The following KIAA1958 variants were observed in gnomAD, a reference collection of about 807,000 sequenced individuals.
KIAA1958 encodes the protein uncharacterized protein KIAA1958.
Under a neutral mutation model 47.2 loss-of-function variants are expected in KIAA1958, and 14 were observed. That is an observed-to-expected ratio of 0.30 (90% CI 0.20 to 0.46). The LOEUF (loss-of-function observed/expected upper bound fraction) is 0.46. Among genes scored for constraint, KIAA1958 ranks in the 20% least tolerant of loss-of-function variants. The pLI is 1.00. For synonymous variants in KIAA1958, 354 were observed against 353.3 expected, an observed-to-expected ratio of 1.00 and a Z score of -0.02; for missense variants, 803 against 909.2, an observed-to-expected ratio of 0.88 and a Z score of 1.50.
intron 3 of KIAA1958, among the ~76,000 whole-genome samples, chr9:112,654,563 G>A (rs1047122209): frequency 1.3e-5 from 2 of 152,006 alleles, no homozygotes; most frequent in Admixed American, 6.6e-5. Context: ...CTTGGAGTCC[G>A]CTCGTTCTGA....
intron 2 of KIAA1958, among the ~76,000 whole-genome samples, chr9:112,596,770 G>A (rs1836040728): frequency 6.6e-6 from 1 of 152,048 alleles, no homozygotes; most frequent in Non-Finnish European, 1.5e-5. Context: ...CCATTTTTAT[G>A]TGTTATCTGT....
At position 112,667,373 on chromosome 9, in the gene KIAA1958, T is replaced by TC. The variant is rs1186440328; in HGVS notation, c.*7305dup. The TC allele has an allele frequency of 6.6e-6, 1 of 152,182 alleles. No homozygotes were observed. Among genetic ancestry groups the TC allele is most frequent in the Non-Finnish European group, 1.5e-5 (1 of 68,092 alleles). The allele number at this position is 152,182 out of a possible 1,614,324, so 9.4% of individuals were successfully genotyped here. ...AGGCAGATCATCTGAGGTCAGGAGT[T>TC]CAAGACCAGCCTGGCCAACATGGTG... On this transcript the variant is annotated 3_prime_UTR_variant, in exon 4 of 4. Coordinates refer to ENST00000337530, the MANE Select transcript of KIAA1958 (RefSeq NM_133465.4).
At chr9:112,607,531 G>C (rs1342309567) in intron 2 of KIAA1958, among the ~76,000 whole-genome samples, 4 of 152,044 alleles carry the variant, frequency 2.6e-5, no homozygotes, top group Non-Finnish European at 5.9e-5. Flanking sequence ...TAGCATAGGA[G>C]GCAGAGCTGA....
At chr9:112,550,530 C>T (rs1835122911) in intron 1 of KIAA1958, among the ~76,000 whole-genome samples, 1 of 152,140 alleles carries the variant, frequency 6.6e-6, no homozygotes, top group Non-Finnish European at 1.5e-5. Context: ...ACTCACAGAA[C>T]TCAGAAAGCT....
At chr9:112,534,116 C>G (rs1272426267) in intron 1 of KIAA1958, among the ~76,000 whole-genome samples, 1 of 152,182 alleles carries the variant, frequency 6.6e-6, no homozygotes, top group African/African-American at 2.4e-5. Context: ...ATTTCCTCAT[C>G]TGTAAAGTGG....
At chr9:112,635,699 C>G (rs565729442) in intron 2 of KIAA1958, among the ~76,000 whole-genome samples, 1 of 152,132 alleles carries the variant, frequency 6.6e-6, no homozygotes, top group East Asian at 1.9e-4. Flanking sequence ...TTTTTACTGT[C>G]TTTTTACTAT....
intron 2 of KIAA1958, among the ~76,000 whole-genome samples, chr9:112,623,706 G>A (rs1439429174): frequency 1.3e-5 from 2 of 152,170 alleles, no homozygotes; most frequent in Non-Finnish European, 2.9e-5. Context: ...ATGGAGGCAA[G>A]TGTGTATATG....
At chr9:112,649,253 G>T (rs191893441) in intron 3 of KIAA1958, among the ~76,000 whole-genome samples, 1 of 152,104 alleles carries the variant, frequency 6.6e-6, no homozygotes, top group East Asian at 1.9e-4. Context: ...AATCTCCTGG[G>T]CTCAAGTGGT....
At chr9:112,655,721 G>A (rs766128489) in intron 3 of KIAA1958, among the ~76,000 whole-genome samples, 3 of 152,220 alleles carry the variant, frequency 2.0e-5, no homozygotes, top group Non-Finnish European at 4.4e-5. Context: ...GCATGCGGGA[G>A]TGTTGCTGGG....
At chr9:112,534,264 C>T (rs1202160228) in intron 1 of KIAA1958, among the ~76,000 whole-genome samples, 1 of 152,148 alleles carries the variant, frequency 6.6e-6, no homozygotes, top group Non-Finnish European at 1.5e-5. Context: ...CCAAAGGAGC[C>T]TAGCGTCTAG....
At chr9:112,545,826 T>TGTG (rs1554722793) in intron 1 of KIAA1958, among the ~76,000 whole-genome samples, 5 of 6,438 alleles carry the variant, frequency 7.8e-4, no homozygotes, top group African/African-American at 1.1e-3. Flanking sequence ...GGTTTCTTTG[T>TGTG]TTTTTTTTTT....
intron 1 of KIAA1958, among the ~76,000 whole-genome samples, chr9:112,533,559 C>T (rs1455915377): frequency 8.1e-5 from 11 of 135,878 alleles, no homozygotes; most frequent in Admixed American, 3.2e-4. Context: ...CCAGCCTGGG[C>T]GACACAGCGA....
chr9:112,559,102 T>G (rs773181062), intron 1 of KIAA1958, among the ~76,000 whole-genome samples: 2 of 152,186 alleles, frequency 1.3e-5, no homozygotes, highest in Non-Finnish European at 2.9e-5. Context: ...CGACCAGGGA[T>G]GAGTTCTTGG....
Position 112,521,198 on chromosome 9 carries a change from A to ATGT in KIAA1958, c.-25+34103_-25+34105dup, listed in dbSNP as rs539494718. Among the ~76,000 whole-genome samples the ATGT allele has an allele frequency of 2.2e-3, 329 of 151,754 alleles. 2 individuals carry two copies. The highest frequency in any genetic ancestry group is 3.4e-3 in the Middle Eastern group (1 of 292). ...AGTTTCTTGTATTTCTAAATAGCCT[A>ATGT]TGTTGTTGTTGTTGTTGTTGTTGTT... On this transcript the variant is annotated intron_variant, in intron 1 of 3. Transcript: ENST00000337530.
At chr9:112,590,854 G>C (rs1399111847) in intron 2 of KIAA1958, among the ~76,000 whole-genome samples, 1 of 152,148 alleles carries the variant, frequency 6.6e-6, no homozygotes, top group African/African-American at 2.4e-5. Context: ...ATTGATTAAG[G>C]AAGTTGATAT....
intron 2 of KIAA1958, among the ~76,000 whole-genome samples, chr9:112,596,026 C>T (rs1241609859): frequency 6.6e-6 from 1 of 152,040 alleles, no homozygotes; most frequent in Non-Finnish European, 1.5e-5. Flanking sequence ...CTCAGGTGAT[C>T]CGCCTTCCTC....
intron 1 of KIAA1958, among the ~76,000 whole-genome samples, chr9:112,564,133 T>C (rs570066581): frequency 6.6e-6 from 1 of 152,332 alleles, no homozygotes; most frequent in South Asian, 2.1e-4. Context: ...TTAAAAGTTA[T>C]GCTGGCGTCC....
At chr9:112,525,929 T>C (rs867552883) in intron 1 of KIAA1958, among the ~76,000 whole-genome samples, 2 of 3,516 alleles carry the variant, frequency 5.7e-4, no homozygotes, top group African/African-American at 4.1e-3. Flanking sequence ...TTCTTCTTCT[T>C]CTTCTTCTTC....
intron 1 of KIAA1958, among the ~76,000 whole-genome samples, chr9:112,539,189 C>T (rs983385344): frequency 1.3e-5 from 2 of 152,184 alleles, no homozygotes; most frequent in Admixed American, 1.3e-4. Context: ...CAGTTCAGCT[C>T]CTAGGTTTAT....
Sources: allele counts gnomAD v4.1 joint callset (sites outside exome capture counted in the v4.1 genomes callset), GRCh38; gene constraint gnomAD v4.1.1; transcripts MANE v1.5; gene names NCBI Gene and HGNC (gene_info 2026-07-23, HGNC 2026-07-21).